DLG2: variants seen among roughly 807,000 people sequenced by gnomAD.
The protein encoded by DLG2 is discs large MAGUK scaffold protein 2.
In DLG2, 45 loss-of-function variants were observed where a neutral mutation model predicts 132.5. That is an observed-to-expected ratio of 0.34 (90% CI 0.27 to 0.44). The LOEUF is 0.44. Among genes scored for constraint, DLG2 ranks in the 20% least tolerant of loss-of-function variants. The pLI is 1.00. For synonymous variants in DLG2, 424 were observed against 419.6 expected, an observed-to-expected ratio of 1.01 and a Z score of -0.13; for missense variants, 1,045 against 1,196.9, an observed-to-expected ratio of 0.87 and a Z score of 1.87.
At chr11:84,469,083 A>G (rs995324767) in intron 7 of DLG2, among the ~76,000 whole-genome samples, 1 of 151,626 alleles carries the variant, frequency 6.6e-6, no homozygotes, top group Admixed American at 6.6e-5. Flanking sequence ...ATAATGACTA[A>G]TCTCTAATAA....
intron 6 of DLG2, among the ~76,000 whole-genome samples, chr11:84,870,147 T>A (rs2085249222): frequency 6.6e-6 from 1 of 152,206 alleles, no homozygotes; most frequent in Non-Finnish European, 1.5e-5. Flanking sequence ...ATATATGCCA[T>A]CAAGGTGGAC....
intron 7 of DLG2, among the ~76,000 whole-genome samples, chr11:84,529,981 T>G (rs73509141): frequency 1.3e-5 from 2 of 152,134 alleles, no homozygotes; most frequent in East Asian, 1.9e-4. Flanking sequence ...AGCCCAGCAA[T>G]AATGCTGCAC....
At chr11:84,274,134 T>TA (rs1382562454) in intron 7 of DLG2, among the ~76,000 whole-genome samples, 10 of 152,118 alleles carry the variant, frequency 6.6e-5, no homozygotes, top group Admixed American at 2.0e-4. Context: ...AAGCATGAAA[T>TA]AAAATATGAA....
chr11:85,538,029 T>G (rs2075715222), intron 3 of DLG2, among the ~76,000 whole-genome samples: 1 of 151,856 alleles, frequency 6.6e-6, no homozygotes, highest in South Asian at 2.1e-4. Flanking sequence ...GGCAGGAGAA[T>G]GGCGTGAACC....
At chr11:83,692,410 G>A (rs910329101) in intron 18 of DLG2, among the ~76,000 whole-genome samples, 8 of 152,180 alleles carry the variant, frequency 5.3e-5, no homozygotes, top group African/African-American at 1.9e-4. Flanking sequence ...TAGGTATTCT[G>A]TTTATATGAA....
At chr11:84,241,334 C>A (rs1158962574) in intron 8 of DLG2, among the ~76,000 whole-genome samples, 1 of 152,208 alleles carries the variant, frequency 6.6e-6, no homozygotes, top group Non-Finnish European at 1.5e-5. Context: ...AATGAAATAG[C>A]TGCAATTCAG....
chr11:84,330,196 C>G (rs939811260), intron 7 of DLG2, among the ~76,000 whole-genome samples: 1 of 152,170 alleles, frequency 6.6e-6, no homozygotes, highest in African/African-American at 2.4e-5. Flanking sequence ...TTCTGTAGTG[C>G]TTATGAACAG....
At chr11:84,042,998 T>A (rs1236190932) in intron 11 of DLG2, among the ~76,000 whole-genome samples, 1 of 151,880 alleles carries the variant, frequency 6.6e-6, no homozygotes, top group Non-Finnish European at 1.5e-5. Context: ...TCTGTCATTA[T>A]ATTTTTTAGT....
intron 7 of DLG2, among the ~76,000 whole-genome samples, chr11:84,362,810 T>G (rs2098657746): frequency 6.6e-6 from 1 of 152,184 alleles, no homozygotes; most frequent in Admixed American, 6.5e-5. Flanking sequence ...ATTTCCAATT[T>G]CATCCATGCC....
At chr11:85,168,550 C>CA (rs1419452047) in intron 4 of DLG2, among the ~76,000 whole-genome samples, 1 of 151,700 alleles carries the variant, frequency 6.6e-6, no homozygotes, top group Non-Finnish European at 1.5e-5. Flanking sequence ...CAGATTATCC[C>CA]AAAAAATAGG....
At chr11:84,445,191 T>G (rs776693974) in intron 7 of DLG2, among the ~76,000 whole-genome samples, 2 of 152,210 alleles carry the variant, frequency 1.3e-5, no homozygotes, top group African/African-American at 4.8e-5. Flanking sequence ...ATCACCATTA[T>G]CATTTTTTGT....
intron 3 of DLG2, among the ~76,000 whole-genome samples, chr11:85,372,279 G>T (rs1213093157): frequency 1.3e-5 from 2 of 152,194 alleles, no homozygotes; most frequent in East Asian, 1.9e-4. Context: ...GCTGACCAAG[G>T]CTGGGCACCA....
intron 6 of DLG2, among the ~76,000 whole-genome samples, chr11:84,713,384 C>T (rs2060660226): frequency 6.6e-6 from 1 of 152,030 alleles, no homozygotes; most frequent in African/African-American, 2.4e-5. Context: ...AGTGAGTTGA[C>T]ATTTCTGAAA....
At chr11:84,350,214 A>G (rs2098557760) in intron 7 of DLG2, among the ~76,000 whole-genome samples, 1 of 150,884 alleles carries the variant, frequency 6.6e-6, no homozygotes, top group Non-Finnish European at 1.5e-5. Context: ...CCAGGCTAAA[A>G]TGACGAGGAC....
intron 7 of DLG2, among the ~76,000 whole-genome samples, chr11:84,439,225 T>C (rs2099010202): frequency 6.6e-6 from 1 of 152,262 alleles, no homozygotes; most frequent in Admixed American, 6.5e-5. Context: ...TTGTTTTCTC[T>C]GGGTTCGATG....
At chr11:85,074,584 A>G (rs1251798755) in intron 6 of DLG2, among the ~76,000 whole-genome samples, 1 of 151,448 alleles carries the variant, frequency 6.6e-6, no homozygotes, top group Non-Finnish European at 1.5e-5. Context: ...CATAAACAAC[A>G]GAAGATCATT....
Position 85,626,611 on chromosome 11 carries a change from C to G in DLG2, c.-117G>C, listed in dbSNP as rs1303293669. ...CCTTATGGCCCACCTGTCTTCTTGA[C>G]TGGCATTCTTGGGTCTTTCCACTGC... On this transcript the variant is annotated 5_prime_UTR_variant, in exon 2 of 28. Coordinates refer to ENST00000376104, the MANE Select transcript of DLG2 (RefSeq NM_001142699.3). The G allele has an allele frequency of 6.6e-6, 1 of 152,184 alleles. No homozygotes were observed. The highest frequency in any genetic ancestry group is 1.5e-5 in the Non-Finnish European group (1 of 68,042). 9.4% of individuals were successfully genotyped at this position (152,184 alleles called of 1,614,324 possible).
At chr11:84,849,422 A>C (rs1466693085) in intron 6 of DLG2, among the ~76,000 whole-genome samples, 1 of 152,124 alleles carries the variant, frequency 6.6e-6, no homozygotes, top group East Asian at 1.9e-4. Context: ...AAGTTCCTCC[A>C]TAATACTTGT....
chr11:85,326,275 C>G (rs2081450285), intron 3 of DLG2, among the ~76,000 whole-genome samples: 1 of 143,494 alleles, frequency 7.0e-6, no homozygotes, highest in African/African-American at 2.6e-5. Context: ...CAGAGAACGC[C>G]ACAAAGATAC....
Sources: gnomAD v4.1 joint callset for allele counts (sites outside exome capture counted in the v4.1 genomes callset) on GRCh38, gnomAD v4.1.1 for gene constraint, MANE v1.5 for transcripts, NCBI Gene and HGNC (gene_info 2026-07-23, HGNC 2026-07-21) for gene names.